Variants in ATP6V0A1 observed in about 807,000 individuals in gnomAD.
ATP6V0A1 encodes ATPase H+ transporting V0 subunit a1.
Under a neutral mutation model 105.4 loss-of-function variants are expected in ATP6V0A1, and 43 were observed. The ratio of observed to expected loss-of-function variants is 0.41; its 90% confidence interval spans 0.32 to 0.53. The LOEUF (loss-of-function observed/expected upper bound fraction) is 0.53. Among genes scored for constraint, ATP6V0A1 ranks in the 20% least tolerant of loss-of-function variants. The pLI, the probability that ATP6V0A1 is intolerant of heterozygous loss-of-function variation, is 0.30. For synonymous variants in ATP6V0A1, 362 were observed against 372.8 expected, an observed-to-expected ratio of 0.97 and a Z score of 0.33; for missense variants, 676 against 1,051.1, an observed-to-expected ratio of 0.64 and a Z score of 4.93.
At chr17:42,511,751 C>A (rs747585343) in intron 19 of ATP6V0A1, among the ~76,000 whole-genome samples, 1 of 152,060 alleles carries the variant, frequency 6.6e-6, no homozygotes, top group Non-Finnish European at 1.5e-5. Flanking sequence ...GGGTGGATCA[C>A]CTGAAGTCAG....
intron 19 of ATP6V0A1, among the ~76,000 whole-genome samples, chr17:42,512,144 C>T (rs995548831): frequency 1.3e-5 from 2 of 152,088 alleles, no homozygotes; most frequent in African/African-American, 2.4e-5. Flanking sequence ...CCGATTGATA[C>T]GGGCGTGTGC....
chr17:42,514,733 A>G (rs2092529196), intron 21 of ATP6V0A1, among the ~76,000 whole-genome samples: 1 of 152,056 alleles, frequency 6.6e-6, no homozygotes, highest in Non-Finnish European at 1.5e-5. Context: ...AGCTGTCCCC[A>G]GTGCTCCTGA....
In ATP6V0A1 at chr17:42,507,511, TC is replaced by T. The variant is rs766374069; in HGVS notation, c.2005-8del. 1.9e-6 allele frequency: 3 copies of T among 1,595,892 alleles called. No homozygotes were observed. Among genetic ancestry groups the T allele is most frequent in the East Asian group, 4.5e-5 (2 of 44,518 alleles). On this transcript the variant is annotated splice_region_variant and splice_polypyrimidine_tract_variant and intron_variant, in intron 17 of 21. Transcript: ENST00000343619. ...AGGCAAATTCTACTCTTTCTGTTCA[TC>T]TGTGTAGGGAACTCTCAACTTTGGT...
intron 11 of ATP6V0A1, among the ~76,000 whole-genome samples, chr17:42,492,795 C>T (rs1442754658): frequency 6.7e-6 from 1 of 149,886 alleles, no homozygotes; most frequent in Non-Finnish European, 1.5e-5. Flanking sequence ...GTGGAAGGAT[C>T]ACTTAAGGTC....
rs2092839499 is a variant in ATP6V0A1, at chr17:42,521,900, C to T, written c.*780C>T. 6.6e-6 allele frequency: 1 copy of T among 152,636 alleles called. No individual in the cohort carries two copies. Among genetic ancestry groups the T allele is most frequent in the Non-Finnish European group, 1.5e-5 (1 of 68,286 alleles). The allele number at this position is 152,636 out of a possible 1,614,324, so 9.5% of individuals were successfully genotyped here. On this transcript the variant is annotated 3_prime_UTR_variant, in exon 22 of 22. Transcript: ENST00000343619. The surrounding 1 kb of genome is among the most constrained non-coding windows in gnomAD (Gnocchi z 4.8). ...TCCCAGGCCTTGCATGGGCCCTGCC[C>T]ACAAGCACACCCTCAGGCCGAGGGT...
chr17:42,507,466 A>C, intron 17 of ATP6V0A1, 54 bp from the exon 18 acceptor site: 3 of 1,332,968 alleles, frequency 2.3e-6, no homozygotes, highest in Non-Finnish European at 2.1e-6. Context: ...CCCACCTCAC[A>C]GAATGTCATG....
chr17:42,494,082 A>G (rs536611226), intron 11 of ATP6V0A1, among the ~76,000 whole-genome samples: 5 of 152,124 alleles, frequency 3.3e-5, no homozygotes, highest in African/African-American at 1.2e-4. Context: ...GTCTCTACTA[A>G]AAATACAAAA....
chr17:42,472,240 G>C (rs1473238365), intron 5 of ATP6V0A1, among the ~76,000 whole-genome samples: 1 of 151,460 alleles, frequency 6.6e-6, no homozygotes, highest in African/African-American at 2.4e-5. Flanking sequence ...TTTCAGTAGA[G>C]ACAGCGTTTC....
chr17:42,467,019 C>T (rs1006898593), intron 3 of ATP6V0A1, among the ~76,000 whole-genome samples: 11 of 152,014 alleles, frequency 7.2e-5, no homozygotes, highest in African/African-American at 2.7e-4. Context: ...TGGTGGCAGG[C>T]GCCTGTAATC....
At chr17:42,499,462 C>G (rs1197609385) in intron 15 of ATP6V0A1, among the ~76,000 whole-genome samples, 1 of 151,412 alleles carries the variant, frequency 6.6e-6, no homozygotes, top group African/African-American at 2.4e-5. Context: ...CAGAGTGAGA[C>G]TCTGCCTCAA....
At chr17:42,497,822 G>A (rs1204543420) in intron 14 of ATP6V0A1, among the ~76,000 whole-genome samples, 2 of 151,460 alleles carry the variant, frequency 1.3e-5, no homozygotes, top group Non-Finnish European at 1.5e-5. Flanking sequence ...CGGATCATGA[G>A]GTCAAGAGAT....
At chr17:42,520,784 A>G (rs2092811386) in intron 21 of ATP6V0A1, 1 of 506,466 alleles carries the variant, frequency 2.0e-6, no homozygotes, top group African/African-American at 1.9e-5. Flanking sequence ...GTGCATAAAC[A>G]CACTGCTCGG....
chr17:42,515,751 G>T (rs1343239916), intron 21 of ATP6V0A1, among the ~76,000 whole-genome samples: 1 of 152,168 alleles, frequency 6.6e-6, no homozygotes, highest in Non-Finnish European at 1.5e-5. Flanking sequence ...TCGCGCCATT[G>T]TACTCCAGCC....
At chr17:42,482,031 G>A (rs1378986459) in intron 8 of ATP6V0A1, among the ~76,000 whole-genome samples, 1 of 152,102 alleles carries the variant, frequency 6.6e-6, no homozygotes, top group Admixed American at 6.6e-5. Flanking sequence ...TAGTAGAGAT[G>A]GGGTTTTGCC....
At chr17:42,499,127 G>T (rs1053997041) in intron 15 of ATP6V0A1, 85 bp downstream of exon 15, 4 of 1,013,540 alleles carry the variant, frequency 3.9e-6, no homozygotes, top group Non-Finnish European at 4.5e-6. Flanking sequence ...TTTGGGGAGG[G>T]ATTAATAACT....
intron 11 of ATP6V0A1, among the ~76,000 whole-genome samples, chr17:42,493,608 C>CA (rs1249802059): frequency 1.3e-5 from 2 of 152,166 alleles, no homozygotes; most frequent in East Asian, 1.9e-4. Flanking sequence ...CTAGCTTGGG[C>CA]AAAATAGTGA....
chr17:42,477,640 C>T lies in ATP6V0A1; in HGVS notation c.424-20C>T. ...ATATTAATTGATTTGTGAATTCAGG[C>T]TGAATTGCATCATCAGCAGATGGCG... On this transcript the variant is annotated intron_variant, in intron 5 of 21. Coordinates refer to ENST00000343619, the MANE Select transcript of ATP6V0A1 (RefSeq NM_001130021.3). The T allele has an allele frequency of 6.2e-7, 1 of 1,612,472 alleles. No individual in the cohort carries two copies. Among genetic ancestry groups the T allele is most frequent in the Non-Finnish European group, 8.5e-7 (1 of 1,179,154 alleles).
rs1567852431 is a variant in ATP6V0A1 at position 42,499,052 on chromosome 17, T to C, written c.1679+10T>C. 6.5e-7 allele frequency: 1 copy of C among 1,545,010 alleles called. No homozygotes were observed. Among genetic ancestry groups the C allele is most frequent in the South Asian group, 1.1e-5 (1 of 88,758 alleles). ...GTCTGTTCAACCATATGTGAGTTGT[T>C]CCATTTCTGTCATAAGAATGTGCAT... On this transcript the variant is annotated intron_variant, in intron 15 of 21. Coordinates refer to ENST00000343619, the MANE Select transcript of ATP6V0A1 (RefSeq NM_001130021.3).
chr17:42,474,178 G>A (rs1179040541), intron 5 of ATP6V0A1, among the ~76,000 whole-genome samples: 2 of 151,634 alleles, frequency 1.3e-5, no homozygotes, highest in East Asian at 3.9e-4. Context: ...AATTTTTGTA[G>A]TTTTAGTAGA....
Sources: gnomAD v4.1 joint callset for allele counts (sites outside exome capture counted in the v4.1 genomes callset) on GRCh38, gnomAD v4.1.1 for gene constraint, Gnocchi (gnomAD v3.1) non-coding constraint, MANE v1.5 for transcripts, NCBI Gene and HGNC (gene_info 2026-07-23, HGNC 2026-07-21) for gene names.